TAFA2: variants seen among roughly 807,000 people sequenced by gnomAD.
TAFA2 encodes the protein chemokine-like protein TAFA-2.
A neutral mutation model predicts 18.8 loss-of-function variants in TAFA2; 7 were observed. That is an observed-to-expected ratio of 0.37 (90% CI 0.21 to 0.70). The LOEUF (loss-of-function observed/expected upper bound fraction) is 0.70. TAFA2 is among the 30% of genes least tolerant of loss of function. The probability of loss-of-function intolerance (pLI) is 0.53; values close to 1 mark genes in which losing one functional copy is unlikely to be tolerated. For synonymous variants in TAFA2, 60 were observed against 54.2 expected (o/e 1.11, Z -0.47); for missense variants, 122 against 158.1 (o/e 0.77, Z 1.23).
chr12:62,182,968 AT>A (rs1314036166), intron 1 of TAFA2, among the ~76,000 whole-genome samples: 2 of 152,220 alleles, frequency 1.3e-5, no homozygotes, highest in African/African-American at 4.8e-5. Context: ...AAAATGGTAA[AT>A]ATCATGAGGG....
intron 4 of TAFA2, among the ~76,000 whole-genome samples, chr12:61,730,264 T>C (rs555467728): frequency 6.6e-6 from 1 of 152,256 alleles, no homozygotes; most frequent in Admixed American, 6.5e-5. Context: ...CAGGATGTTA[T>C]AGGCAGTGGA....
intron 3 of TAFA2, among the ~76,000 whole-genome samples, 179 bp downstream of exon 3, chr12:61,754,693 C>G (rs1869179856): frequency 6.6e-6 from 1 of 151,822 alleles, no homozygotes; most frequent in African/African-American, 2.4e-5. Context: ...ATATTTTAGA[C>G]CTCTTTCCAG....
intron 2 of TAFA2, among the ~76,000 whole-genome samples, chr12:61,817,650 G>C (rs533172133): frequency 6.6e-6 from 1 of 152,254 alleles, no homozygotes; most frequent in East Asian, 1.9e-4. Flanking sequence ...GGGTCTTAAA[G>C]ACAGATGCCA....
chr12:61,902,091 T>TAAAAAACAAAA (rs1876128230), intron 1 of TAFA2, among the ~76,000 whole-genome samples: 1 of 116,466 alleles, frequency 8.6e-6, no homozygotes, highest in African/African-American at 3.6e-5. Context: ...GCAGGAATGT[T>TAAAAAACAAAA]AAAAAAAAAA....
At chr12:62,258,726 C>T (rs2062956709) in intron 1 of TAFA2, 1 of 354,834 alleles carries the variant, frequency 2.8e-6, no homozygotes, top group Non-Finnish European at 5.7e-6. Flanking sequence ...AGGGCAAGAA[C>T]TTTGCAGCTA....
intron 1 of TAFA2, chr12:62,258,220 A>G (rs2062949796): frequency 6.6e-6 from 1 of 152,190 alleles, no homozygotes; most frequent in African/African-American, 2.4e-5. Flanking sequence ...AAATACTATA[A>G]TTTTATCTCT....
chr12:62,019,871 C>T (rs781423482), intron 1 of TAFA2, among the ~76,000 whole-genome samples: 2 of 151,762 alleles, frequency 1.3e-5, no homozygotes, highest in Non-Finnish European at 2.9e-5. Flanking sequence ...TGTTTTAAAC[C>T]ACAAATGATG....
chr12:62,240,289 T>G (rs2062856727), intron 1 of TAFA2, among the ~76,000 whole-genome samples: 1 of 151,694 alleles, frequency 6.6e-6, no homozygotes, highest in South Asian at 2.1e-4. Flanking sequence ...CGTGATGGTG[T>G]GCACCTGTAA....
intron 2 of TAFA2, among the ~76,000 whole-genome samples, chr12:61,830,541 TA>T (rs1872681164): frequency 6.6e-6 from 1 of 151,674 alleles, no homozygotes; most frequent in South Asian, 2.1e-4. Flanking sequence ...GGAAGCTAAA[TA>T]ACGTGTACAC....
chr12:62,165,951 AC>A (rs2062436432), intron 1 of TAFA2, among the ~76,000 whole-genome samples: 1 of 151,114 alleles, frequency 6.6e-6, no homozygotes, highest in African/African-American at 2.4e-5. Flanking sequence ...ACACACACAC[AC>A]ACACACACAC....
intron 4 of TAFA2, among the ~76,000 whole-genome samples, chr12:61,723,541 A>T (rs1367251501): frequency 6.6e-6 from 1 of 152,100 alleles, no homozygotes; most frequent in Non-Finnish European, 1.5e-5. Flanking sequence ...TTTTTCTAGG[A>T]TTATCCCTAT....
At chr12:61,712,809 A>AT (rs56022266) in intron 4 of TAFA2, among the ~76,000 whole-genome samples, 239 of 151,240 alleles carry the variant, frequency 1.6e-3, no homozygotes, top group African/African-American at 4.8e-3. Context: ...CTAATACTTG[A>AT]TTTTTTTTTT....
chr12:62,040,458 A>C (rs348681), intron 1 of TAFA2, among the ~76,000 whole-genome samples: 38,241 of 151,910 alleles, frequency 0.25, 4,804 homozygotes, highest in Admixed American at 0.27. Flanking sequence ...TTATTTCCTC[A>C]TAGAAAGAGG....
chr12:61,835,089 G>A (rs1872864974), intron 2 of TAFA2, among the ~76,000 whole-genome samples: 1 of 136,050 alleles, frequency 7.4e-6, no homozygotes, highest in Non-Finnish European at 1.7e-5. Flanking sequence ...CTCATTGCCT[G>A]AGGGGAAAAA....
At chr12:61,799,593 C>T (rs953907500) in intron 2 of TAFA2, among the ~76,000 whole-genome samples, 5 of 152,102 alleles carry the variant, frequency 3.3e-5, no homozygotes, top group Admixed American at 1.3e-4. Context: ...GAGGCCGAGG[C>T]GGGCGGATCA....
chr12:61,779,758 G>A (rs1449036117), intron 2 of TAFA2, among the ~76,000 whole-genome samples: 1 of 151,734 alleles, frequency 6.6e-6, no homozygotes, highest in African/African-American at 2.4e-5. Flanking sequence ...GAAAAGCTGC[G>A]ATAGTATATG....
At chr12:61,987,310 G>A (rs1015652121) in intron 1 of TAFA2, among the ~76,000 whole-genome samples, 2 of 152,138 alleles carry the variant, frequency 1.3e-5, no homozygotes, top group African/African-American at 4.8e-5. Flanking sequence ...TCTGGTTTCT[G>A]TTAGAATGAG....
At chr12:61,851,669 G>A (rs1211075089) in intron 2 of TAFA2, among the ~76,000 whole-genome samples, 1 of 150,566 alleles carries the variant, frequency 6.6e-6, no homozygotes, top group African/African-American at 2.4e-5. Context: ...CAGCAACTCC[G>A]GAGGCTGAGG....
intron 2 of TAFA2, among the ~76,000 whole-genome samples, chr12:61,850,200 G>A (rs1230675225): frequency 6.6e-6 from 1 of 151,902 alleles, no homozygotes; most frequent in Non-Finnish European, 1.5e-5. Flanking sequence ...GGAAAAAAAA[G>A]TCTAAAGAAG....
Sources: allele counts gnomAD v4.1 joint callset (sites outside exome capture counted in the v4.1 genomes callset), GRCh38; gene constraint gnomAD v4.1.1; transcripts MANE v1.5; gene names NCBI Gene and HGNC (gene_info 2026-07-23, HGNC 2026-07-21).